SNX29: variants seen among roughly 807,000 people sequenced by gnomAD.
SNX29 encodes the protein sorting nexin-29.
Under a neutral mutation model 102.1 loss-of-function variants are expected in SNX29, and 78 were observed. The ratio of observed to expected loss-of-function variants is 0.76; its 90% CI spans 0.64 to 0.92. SNX29 has a LOEUF of 0.92. Ranked by LOEUF, SNX29 falls within the 40% of genes least tolerant of loss-of-function variation. The probability of loss-of-function intolerance (pLI) is 0.00; values close to 1 mark genes in which losing one functional copy is unlikely to be tolerated. For missense variants in SNX29, 1,280 were observed against 1,061.7 expected, an observed-to-expected ratio of 1.21 and a Z score of -2.86; for synonymous variants, 580 against 414.5, an observed-to-expected ratio of 1.40 and a Z score of -4.85.
chr16:11,982,428 T>G (rs1323707485), intron 1 of SNX29, among the ~76,000 whole-genome samples: 2 of 150,434 alleles, frequency 1.3e-5, no homozygotes, highest in Admixed American at 6.6e-5. Flanking sequence ...CATCAGTTTT[T>G]TTTTTTTTTT....
At chr16:12,113,533 T>C (rs1191765996) in intron 11 of SNX29, among the ~76,000 whole-genome samples, 2 of 152,194 alleles carry the variant, frequency 1.3e-5, no homozygotes, top group African/African-American at 2.4e-5. Context: ...TTGCAGATTA[T>C]GTGTGAGAGT....
chr16:12,458,493 A>T (rs183512867), intron 18 of SNX29, among the ~76,000 whole-genome samples: 2 of 152,202 alleles, frequency 1.3e-5, no homozygotes, highest in Admixed American at 1.3e-4. Flanking sequence ...ATCAGTAGTT[A>T]TTTGAGGGTT....
intron 11 of SNX29, among the ~76,000 whole-genome samples, chr16:12,093,475 A>G (rs1359519793): frequency 2.0e-5 from 3 of 152,164 alleles, no homozygotes; most frequent in Non-Finnish European, 4.4e-5. Context: ...AAAGCCAGAC[A>G]TGGTGGCACG....
chr16:12,034,471 T>G (rs965508271), intron 4 of SNX29, among the ~76,000 whole-genome samples: 2 of 152,220 alleles, frequency 1.3e-5, no homozygotes, highest in African/African-American at 4.8e-5. Context: ...AGAAAGAAGC[T>G]GGCTTTAGGG....
intron 15 of SNX29, among the ~76,000 whole-genome samples, chr16:12,297,611 A>G (rs2080025490): frequency 6.6e-6 from 1 of 152,094 alleles, no homozygotes; most frequent in East Asian, 1.9e-4. Context: ...TTAAAAAATG[A>G]TAACCGTGGG....
In SNX29 at chr16:12,569,541, G is replaced by C. The variant is rs146229026; in HGVS notation, c.*912G>C. Reference sequence around the variant, plus strand: ...ATGACTATGAAGTTGGACCCAGTGTGGACACTTAACAGATCATGTGTCTCT... The same window carrying C: ...ATGACTATGAAGTTGGACCCAGTGTCGACACTTAACAGATCATGTGTCTCT... On this transcript the variant is annotated 3_prime_UTR_variant, in exon 21 of 21. Transcript: ENST00000566228. 3.0e-5 allele frequency: 7 copies of C among 231,526 alleles called. 1 individual carries two copies. The East Asian group carries it at 4.3e-4, about 14-fold the overall frequency. The allele number at this position is 231,526 out of a possible 1,614,324, so 14.3% of individuals were successfully genotyped here. A position where few individuals can be genotyped will look rare whatever the true frequency, so the allele number is the denominator to read the frequency against.
At chr16:12,066,132 T>G (rs1320310504) in intron 9 of SNX29, among the ~76,000 whole-genome samples, 2 of 152,164 alleles carry the variant, frequency 1.3e-5, no homozygotes, top group Non-Finnish European at 2.9e-5. Flanking sequence ...GGTCCATGCC[T>G]TTGCCCCAGC....
At chr16:12,488,206 T>A (rs2088348215) in intron 19 of SNX29, among the ~76,000 whole-genome samples, 1 of 152,114 alleles carries the variant, frequency 6.6e-6, no homozygotes, top group African/African-American at 2.4e-5. Flanking sequence ...TATTTGCTGT[T>A]CTGTTCCCAT....
rs529306556 is a variant in SNX29 at position 12,292,705 on chromosome 16, A to G, written c.1782+14669A>G. ...CCAGGTGCCCCGCCATTTTAGAAAC[A>G]TCCCCCGATATGTAATAGTGAGACT... On this transcript the variant is annotated intron_variant, in intron 15 of 20. Coordinates refer to ENST00000566228, the MANE Select transcript of SNX29 (RefSeq NM_032167.5). Among the ~76,000 whole-genome samples, 228 of 152,340 alleles carry G rather than the reference A, an allele frequency of 1.5e-3. 3 individuals carry two copies. Among genetic ancestry groups the G allele is most frequent in the South Asian group, 0.012 (58 of 4,824 alleles).
rs1425624715 is a variant in SNX29, at chr16:12,571,020, C to CAGA, written c.*2392_*2394dup. ...CAGACCGTAGAGTCGAGTCATCTCG[C>CAGA]AGATCCAGACCATCTCCTCTCATTC... On this transcript the variant is annotated 3_prime_UTR_variant, in exon 21 of 21. Coordinates refer to ENST00000566228, the MANE Select transcript of SNX29 (RefSeq NM_032167.5). 1 of 232,642 alleles carries CAGA rather than the reference C, an allele frequency of 4.3e-6. No homozygotes were observed. The highest frequency in any genetic ancestry group is 8.5e-6 in the Non-Finnish European group (1 of 117,694). The allele number at this position is 232,642 out of a possible 1,614,324, so 14.4% of individuals were successfully genotyped here. A position where few individuals can be genotyped will look rare whatever the true frequency, so the allele number is the denominator to read the frequency against.
At chr16:12,355,843 T>TAAAAAAAAAA (rs56358290) in intron 15 of SNX29, among the ~76,000 whole-genome samples, 3 of 85,582 alleles carry the variant, frequency 3.5e-5, no homozygotes, top group African/African-American at 5.2e-5. Context: ...GAGATCTTAT[T>TAAAAAAAAAA]AAAAAAAAAA....
At chr16:12,536,624 G>T (rs1013458958) in intron 20 of SNX29, among the ~76,000 whole-genome samples, 1 of 152,216 alleles carries the variant, frequency 6.6e-6, no homozygotes, top group African/African-American at 2.4e-5. Flanking sequence ...TGTGGCTGCA[G>T]CAGGGGTGTA....
At chr16:12,513,131 T>C (rs1448199477) in intron 19 of SNX29, among the ~76,000 whole-genome samples, 1 of 151,056 alleles carries the variant, frequency 6.6e-6, no homozygotes, top group Non-Finnish European at 1.5e-5. Flanking sequence ...TCTCTGACCC[T>C]GCCCTCCCTC....
chr16:12,197,572 A>G (rs1003019140), intron 13 of SNX29, among the ~76,000 whole-genome samples: 1 of 152,238 alleles, frequency 6.6e-6, no homozygotes, highest in African/African-American at 2.4e-5. Context: ...CTGCATCTCA[A>G]AAACAAAAGA....
chr16:11,988,099 G>C (rs879866088), intron 1 of SNX29, among the ~76,000 whole-genome samples: 2 of 152,070 alleles, frequency 1.3e-5, no homozygotes, highest in Non-Finnish European at 2.9e-5. Flanking sequence ...TTTGAGACCA[G>C]CCTGAACAAC....
intron 14 of SNX29, among the ~76,000 whole-genome samples, chr16:12,232,645 A>C (rs536002943): frequency 2.0e-5 from 3 of 152,296 alleles, no homozygotes; most frequent in African/African-American, 4.8e-5. Flanking sequence ...GAATCTGGCT[A>C]TTCATGAGAG....
chr16:12,055,713 A>G (rs2050490843), intron 8 of SNX29, among the ~76,000 whole-genome samples: 1 of 152,144 alleles, frequency 6.6e-6, no homozygotes, highest in Non-Finnish European at 1.5e-5. Flanking sequence ...GAGGCCTTGC[A>G]CTGCTTGCAT....
rs76087791 is a variant in SNX29 at position 12,324,345 on chromosome 16, C to T, written c.1783-31818C>T. Reference sequence around the variant, plus strand: ...AGTCCCAGGAGGACTGGGAGGAAGACAGGAGTGTCCAAACAGGATGACCTT... The same window carrying T: ...AGTCCCAGGAGGACTGGGAGGAAGATAGGAGTGTCCAAACAGGATGACCTT... On this transcript the variant is annotated intron_variant, in intron 15 of 20. Transcript: ENST00000566228. Among the ~76,000 whole-genome samples the T allele has an allele frequency of 8.2e-3, 1,246 of 152,188 alleles. 20 individuals carry two copies. Among genetic ancestry groups the T allele is most frequent in the African/African-American group, 0.028 (1,144 of 41,538 alleles).
chr16:12,305,862 A>T (rs775715502), intron 15 of SNX29, among the ~76,000 whole-genome samples: 1 of 152,218 alleles, frequency 6.6e-6, no homozygotes, highest in South Asian at 2.1e-4. Flanking sequence ...TGGAGTACCG[A>T]CGAGCTGTAA....
Sources: allele counts gnomAD v4.1 joint callset (sites outside exome capture counted in the v4.1 genomes callset), GRCh38; gene constraint gnomAD v4.1.1; transcripts MANE v1.5; gene names NCBI Gene and HGNC (gene_info 2026-07-23, HGNC 2026-07-21).